Variants in BUB1B observed in about 807,000 individuals in gnomAD.
BUB1B encodes the protein BUB1 mitotic checkpoint serine/threonine kinase B.
In BUB1B, 86 loss-of-function variants were observed where a neutral mutation model predicts 137.7. That is an observed-to-expected ratio of 0.62 (90% CI 0.52 to 0.75). BUB1B has a LOEUF of 0.75. Among genes scored for constraint, BUB1B ranks in the 30% least tolerant of loss-of-function variants. The pLI, the probability that BUB1B is intolerant of heterozygous loss-of-function variation, is 0.00. For missense variants in BUB1B, 1,130 were observed against 1,236.9 expected (o/e 0.91, Z 1.30); for synonymous variants, 420 against 417.9 (o/e 1.00, Z -0.06).
intron 22 of BUB1B, among the ~76,000 whole-genome samples, chr15:40,219,229 A>G (rs7168416): frequency 0.082 from 12,468 of 152,164 alleles, 1,682 homozygotes; most frequent in African/African-American, 0.28. Flanking sequence ...TTTTAATAGC[A>G]ATTATTACCA....
intron 15 of BUB1B, 113 bp downstream of exon 15, chr15:40,206,571 G>T: frequency 7.4e-7 from 1 of 1,356,166 alleles, no homozygotes. Flanking sequence ...CAGGTACTGT[G>T]CTAAGTGCTT....
intron 10 of BUB1B, 199 bp from the exon 11 acceptor site, chr15:40,200,045 G>C (rs1429741716): frequency 3.2e-6 from 2 of 619,546 alleles, no homozygotes; most frequent in African/African-American, 3.7e-5. Flanking sequence ...TTTAGTATAT[G>C]CCTGGCACTG....
chr15:40,192,244 A>T (rs1048347442), intron 8 of BUB1B, among the ~76,000 whole-genome samples: 24 of 152,146 alleles, frequency 1.6e-4, no homozygotes, highest in African/African-American at 5.8e-4. Flanking sequence ...GGGCAGTGTT[A>T]GCTTTGCAGA....
At chr15:40,213,781 G>A (rs2037743079) in intron 20 of BUB1B, among the ~76,000 whole-genome samples, 1 of 152,096 alleles carries the variant, frequency 6.6e-6, no homozygotes, top group Non-Finnish European at 1.5e-5. Flanking sequence ...CAAGTGATCT[G>A]CCCACCTCAG....
intron 8 of BUB1B, among the ~76,000 whole-genome samples, chr15:40,195,214 A>G (rs559093987): frequency 3.3e-5 from 5 of 151,738 alleles, no homozygotes; most frequent in Admixed American, 3.3e-4. Flanking sequence ...GCTCCCACTT[A>G]TAAGTGAGAA....
chr15:40,221,057 G>T lies in BUB1B; in HGVS notation c.*298G>T. ...ACTTTTCCCTGTACTTTTCCCATTT[G>T]TAATTTGTAAAATGTTCTCTTATGA... On this transcript the variant is annotated 3_prime_UTR_variant, in exon 23 of 23. Coordinates refer to ENST00000287598, the MANE Select transcript of BUB1B (RefSeq NM_001211.6). The T allele has an allele frequency of 2.4e-6, 1 of 413,344 alleles. No homozygotes were observed. Among genetic ancestry groups the T allele is most frequent in the Non-Finnish European group, 4.4e-6 (1 of 226,690 alleles). The allele number at this position is 413,344 out of a possible 1,614,324, so 25.6% of individuals were successfully genotyped here. A position where few individuals can be genotyped will look rare whatever the true frequency, so the allele number is the denominator to read the frequency against.
chr15:40,215,471 T>C (rs1488225332), intron 20 of BUB1B, among the ~76,000 whole-genome samples: 1 of 146,620 alleles, frequency 6.8e-6, no homozygotes, highest in Non-Finnish European at 1.5e-5. Context: ...AAATTCTGTC[T>C]CAAAAAAAAA....
chr15:40,203,689 C>A (rs955169201), intron 14 of BUB1B, among the ~76,000 whole-genome samples: 4 of 152,090 alleles, frequency 2.6e-5, no homozygotes, highest in Non-Finnish European at 5.9e-5. Context: ...GTGGGCCAAT[C>A]ATTTTTCTTC....
chr15:40,179,967 C>CATATATATATATATAT (rs34339420), intron 5 of BUB1B, among the ~76,000 whole-genome samples: 26 of 143,594 alleles, frequency 1.8e-4, no homozygotes, highest in African/African-American at 6.3e-4. Context: ...TTTCAAAAGC[C>CATATATATATATATAT]ATATATATAT....
At chr15:40,206,840 C>T (rs1283605237) in intron 15 of BUB1B, among the ~76,000 whole-genome samples, 1 of 152,132 alleles carries the variant, frequency 6.6e-6, no homozygotes, top group African/African-American at 2.4e-5. Flanking sequence ...AATGGAGTCT[C>T]ACTCTGTCGC....
chr15:40,213,630 G>A (rs1202896616), intron 20 of BUB1B, among the ~76,000 whole-genome samples, 156 bp downstream of exon 20: 1 of 151,950 alleles, frequency 6.6e-6, no homozygotes, highest in African/African-American at 2.4e-5. Flanking sequence ...CCATCTCCCA[G>A]GTTCAAACGA....
intron 9 of BUB1B, among the ~76,000 whole-genome samples, chr15:40,199,097 C>T (rs981760488): frequency 6.6e-6 from 1 of 152,208 alleles, no homozygotes; most frequent in African/African-American, 2.4e-5. Flanking sequence ...AGCCTAGAAT[C>T]TTTCCCCAGA....
At chr15:40,188,428 G>A (rs2037395274) in intron 8 of BUB1B, among the ~76,000 whole-genome samples, 1 of 152,040 alleles carries the variant, frequency 6.6e-6, no homozygotes, top group African/African-American at 2.4e-5. Flanking sequence ...GTTTTGCTTA[G>A]TGATGTATAG....
intron 1 of BUB1B, among the ~76,000 whole-genome samples, chr15:40,164,772 G>A (rs571579453): frequency 6.6e-6 from 1 of 151,620 alleles, no homozygotes; most frequent in East Asian, 1.9e-4. Context: ...AAAGTGGTGG[G>A]ATTACAGGTG....
In BUB1B at chr15:40,166,238, T is replaced by C. The variant is rs141022405; in HGVS notation, c.179+1042T>C. ...AGGATTTCATTTATTTATTCACCAA[T>C]TGATGAATATTTAGATTCTTCCAGT... On this transcript the variant is annotated intron_variant, in intron 2 of 22. Transcript: ENST00000287598. 1.5e-5 allele frequency: 5 copies of C among 340,672 alleles called. No homozygotes were observed. The East Asian group carries it at 3.1e-4, about 21-fold the overall frequency. 21.1% of individuals were successfully genotyped at this position (340,672 alleles called of 1,614,324 possible).
chr15:40,162,573 C>A (rs2037053354), intron 1 of BUB1B, among the ~76,000 whole-genome samples: 1 of 152,042 alleles, frequency 6.6e-6, no homozygotes, highest in South Asian at 2.1e-4. Context: ...TGGTTGATTT[C>A]TGTATATATT....
intron 21 of BUB1B, among the ~76,000 whole-genome samples, chr15:40,218,206 A>G (rs1258087131): frequency 6.6e-6 from 1 of 152,238 alleles, no homozygotes; most frequent in African/African-American, 2.4e-5. Context: ...CAGTAGGTCT[A>G]CAAATTTGAA....
intron 1 of BUB1B, among the ~76,000 whole-genome samples, chr15:40,163,473 A>G (rs138754899): frequency 1.7e-4 from 26 of 152,334 alleles, no homozygotes; most frequent in African/African-American, 3.8e-4. Flanking sequence ...ACAATGCCTT[A>G]TGAAAGTGCC....
chr15:40,171,095 T>A (rs1355482840), intron 4 of BUB1B, among the ~76,000 whole-genome samples: 2 of 151,920 alleles, frequency 1.3e-5, no homozygotes, highest in Non-Finnish European at 2.9e-5. Context: ...TGCCATTACG[T>A]CCAGCTAATT....
Sources: allele counts gnomAD v4.1 joint callset (sites outside exome capture counted in the v4.1 genomes callset), GRCh38; gene constraint gnomAD v4.1.1; transcripts MANE v1.5; gene names NCBI Gene and HGNC (gene_info 2026-07-23, HGNC 2026-07-21).